The following DSCAM variants were observed in gnomAD, a reference collection of about 807,000 sequenced individuals.
DSCAM encodes DS cell adhesion molecule.
A neutral mutation model predicts 217.7 loss-of-function variants in DSCAM; 47 were observed. The ratio of observed to expected loss-of-function variants is 0.22; its 90% CI spans 0.17 to 0.28. The LOEUF is 0.28. Among genes scored for constraint, DSCAM ranks in the 10% least tolerant of loss-of-function variants. DSCAM has a pLI of 1.00. For missense variants in DSCAM, 2,080 were observed against 2,618.3 expected, an observed-to-expected ratio of 0.79 and a Z score of 4.49; for synonymous variants, 1,056 against 1,015.3, an observed-to-expected ratio of 1.04 and a Z score of -0.76.
chr21:40,710,342 ACAGT>A (rs1404801873), intron 1 of DSCAM, among the ~76,000 whole-genome samples: 10 of 152,310 alleles, frequency 6.6e-5, no homozygotes, highest in African/African-American at 2.4e-4. Flanking sequence ...CCACCAGCCT[ACAGT>A]GTCTGTTTTG....
chr21:40,725,629 C>A (rs562233166), intron 1 of DSCAM, among the ~76,000 whole-genome samples: 69 of 152,296 alleles, frequency 4.5e-4, no homozygotes, highest in African/African-American at 1.6e-3. Context: ...AGTGTATGGA[C>A]AATGCAATCA....
At chr21:40,344,074 T>C (rs1402142779) in intron 6 of DSCAM, among the ~76,000 whole-genome samples, 1 of 151,986 alleles carries the variant, frequency 6.6e-6, no homozygotes, top group Non-Finnish European at 1.5e-5. Flanking sequence ...AGTTTTTGTA[T>C]TTTTAGCAGA....
intron 28 of DSCAM, among the ~76,000 whole-genome samples, chr21:40,058,250 C>A (rs2089059971): frequency 1.3e-5 from 2 of 152,120 alleles, no homozygotes; most frequent in South Asian, 4.2e-4. Flanking sequence ...CCCCCAAAAC[C>A]CACATACTGG....
At chr21:40,181,987 T>C (rs1601415790) in intron 14 of DSCAM, among the ~76,000 whole-genome samples, 1 of 150,976 alleles carries the variant, frequency 6.6e-6, no homozygotes, top group African/African-American at 2.4e-5. Context: ...GAGGAAGGAG[T>C]GAAGAGCTGA....
intron 3 of DSCAM, among the ~76,000 whole-genome samples, chr21:40,408,917 T>G (rs2075300555): frequency 6.6e-6 from 1 of 152,230 alleles, no homozygotes; most frequent in Admixed American, 6.5e-5. Flanking sequence ...CCATTTTTAG[T>G]ATGTTATGAA....
chr21:40,506,216 G>A (rs1332237608), intron 3 of DSCAM, among the ~76,000 whole-genome samples: 1 of 152,190 alleles, frequency 6.6e-6, no homozygotes, highest in East Asian at 1.9e-4. Context: ...CTGATCTGAA[G>A]CCCATGCACG....
chr21:40,305,595 T>C (rs1380479375), intron 9 of DSCAM, among the ~76,000 whole-genome samples: 1 of 152,152 alleles, frequency 6.6e-6, no homozygotes, highest in Non-Finnish European at 1.5e-5. Context: ...AAGTCTTTAA[T>C]CCATCTTGAA....
intron 3 of DSCAM, among the ~76,000 whole-genome samples, chr21:40,585,253 A>T (rs569259878): frequency 4.0e-5 from 6 of 151,566 alleles, no homozygotes; most frequent in African/African-American, 1.5e-4. Context: ...TAACACAAGC[A>T]CAAAAAGGGT....
At chr21:40,239,573 T>C (rs561926461) in intron 11 of DSCAM, among the ~76,000 whole-genome samples, 51 of 152,332 alleles carry the variant, frequency 3.3e-4, no homozygotes, top group African/African-American at 1.2e-3. Context: ...TGAGATCATC[T>C]GGGTTAGGAA....
rs558510847 is a variant in DSCAM, at chr21:40,242,009, G to C, written c.2356+34088C>G. ...TGGGTTCTACTTGAGTGGGGAGGGT[G>C]GGAGGAGGGAAAGGAGCAGAAAAGA... On this transcript the variant is annotated intron_variant, in intron 11 of 32. Transcript: ENST00000400454. Among the ~76,000 whole-genome samples, 84 of 152,228 alleles carry C rather than the reference G, an allele frequency of 5.5e-4. 1 individual carries two copies. Among genetic ancestry groups the C allele is most frequent in the African/African-American group, 1.9e-3 (81 of 41,544 alleles).
At chr21:40,846,596 T>A (rs1364508634) in intron 1 of DSCAM, 23 bp downstream of exon 1, 1 of 1,066,216 alleles carries the variant, frequency 9.4e-7, no homozygotes, top group Admixed American at 4.3e-5. Flanking sequence ...GAAACGAAAT[T>A]CATCACAAAC....
Position 40,329,573 on chromosome 21 carries a change from C to A in DSCAM, c.1783+8528G>T, listed in dbSNP as rs187742418. On this transcript the variant is annotated intron_variant, in intron 8 of 32. Coordinates refer to ENST00000400454, the MANE Select transcript of DSCAM (RefSeq NM_001389.5). ...AGGATGCAGTGAGCCGAGATCGCGC[C>A]ACTGCACTCCAGCCTGGCCACAGAG... Among the ~76,000 whole-genome samples, 81 of 151,504 alleles carry A rather than the reference C, an allele frequency of 5.3e-4. 1 individual carries two copies. Among genetic ancestry groups the A allele is most frequent in the African/African-American group, 1.9e-3 (79 of 41,314 alleles).
chr21:40,520,531 G>A (rs985549218), intron 3 of DSCAM, among the ~76,000 whole-genome samples: 6 of 152,042 alleles, frequency 3.9e-5, no homozygotes, highest in South Asian at 2.1e-4. Context: ...GTGTGTGGCC[G>A]GGCACGGTGG....
chr21:40,806,344 G>A (rs1213567247), intron 1 of DSCAM, among the ~76,000 whole-genome samples: 1 of 138,066 alleles, frequency 7.2e-6, no homozygotes, highest in Non-Finnish European at 1.6e-5. Flanking sequence ...CCCAGTGCCT[G>A]GCACCCTGAA....
chr21:40,673,425 T>A (rs2090299706), intron 3 of DSCAM, among the ~76,000 whole-genome samples: 1 of 152,240 alleles, frequency 6.6e-6, no homozygotes, highest in African/African-American at 2.4e-5. Flanking sequence ...AACATCTAAC[T>A]CATATTTAAC....
intron 20 of DSCAM, among the ~76,000 whole-genome samples, chr21:40,102,900 A>G (rs570369548): frequency 6.6e-6 from 1 of 152,058 alleles, no homozygotes; most frequent in Admixed American, 6.5e-5. Flanking sequence ...TGCTTACTGC[A>G]TCTCCCCAGG....
chr21:40,741,105 G>A (rs955287189), intron 1 of DSCAM, among the ~76,000 whole-genome samples: 1 of 152,138 alleles, frequency 6.6e-6, no homozygotes. Flanking sequence ...AAAAGTGACT[G>A]GAAATGGAGA....
At chr21:40,497,441 T>C (rs975499066) in intron 3 of DSCAM, among the ~76,000 whole-genome samples, 6 of 148,204 alleles carry the variant, frequency 4.0e-5, no homozygotes, top group African/African-American at 1.5e-4. Context: ...AAGTAGTGAG[T>C]AGAATGGTGG....
chr21:40,072,460 C>A (rs2089306497), intron 27 of DSCAM, among the ~76,000 whole-genome samples: 1 of 151,760 alleles, frequency 6.6e-6, no homozygotes, highest in South Asian at 2.1e-4. Context: ...GATTCTCCTG[C>A]CTCAGCCTCC....
Sources: gnomAD v4.1 joint callset for allele counts (sites outside exome capture counted in the v4.1 genomes callset) on GRCh38, gnomAD v4.1.1 for gene constraint, MANE v1.5 for transcripts, NCBI Gene and HGNC (gene_info 2026-07-23, HGNC 2026-07-21) for gene names.